FHL1: variants seen among roughly 807,000 people sequenced by gnomAD.
FHL1 encodes the protein four and a half LIM domains 1.
FHL1 carries 1 observed loss-of-function variant against 20.3 expected under a neutral mutation model. The observed-to-expected ratio is 0.05, with a 90% CI of 0.02 to 0.23. The LOEUF is 0.23. FHL1 is among the 10% of genes least tolerant of loss of function. The probability of loss-of-function intolerance (pLI) is 1.00; values close to 1 mark genes in which losing one functional copy is unlikely to be tolerated. For synonymous variants in FHL1, 82 were observed against 88.9 expected (o/e 0.92, Z 0.44); for missense variants, 177 against 234.0 (o/e 0.76, Z 1.59).
chrX:136,193,349 CACTTTGA>C (rs1299340667), upstream of FHL1, among the ~76,000 whole-genome samples: 1 of 111,873 alleles, frequency 8.9e-6, no homozygotes. Context: ...TCGGTTGCAC[CACTTTGA>C]ACTTTTGAAG....
At chrX:136,173,360 T>C (rs933762624) in intron 2 of FHL1, among the ~76,000 whole-genome samples, 3 of 112,207 alleles carry the variant, frequency 2.7e-5, no homozygotes, top group Non-Finnish European at 5.6e-5. Context: ...AATACAGTAG[T>C]CAAAGTGATT....
chrX:136,178,659 C>G (rs1449551700), intron 2 of FHL1, among the ~76,000 whole-genome samples: 1 of 112,141 alleles, frequency 8.9e-6, no homozygotes, highest in Non-Finnish European at 1.9e-5. Flanking sequence ...AACAGTTCTT[C>G]ACCTAAGTAG....
intron 2 of FHL1, among the ~76,000 whole-genome samples, chrX:136,178,468 C>T (rs2073062607): frequency 9.0e-6 from 1 of 111,276 alleles, no homozygotes; most frequent in Admixed American, 9.6e-5. Context: ...CAGTGGCTCA[C>T]GCCTGTAGTC....
At chrX:136,164,907 A>G (rs184446258), upstream of FHL1, among the ~76,000 whole-genome samples, 4 of 112,529 alleles carry the variant, frequency 3.6e-5, no homozygotes, top group Admixed American at 3.8e-4. Context: ...ATCTGGACTA[A>G]TCATAACTTG....
chrX:136,169,115 T>C (rs1457979244), upstream of FHL1, among the ~76,000 whole-genome samples: 2 of 111,750 alleles, frequency 1.8e-5, no homozygotes, highest in East Asian at 5.6e-4. Context: ...ACTTTTAGGA[T>C]AATACAGTGA....
intron 1 of FHL1, among the ~76,000 whole-genome samples, chrX:136,160,034 C>T (rs757275090): frequency 1.5e-4 from 17 of 112,212 alleles, no homozygotes; most frequent in African/African-American, 4.9e-4. Flanking sequence ...CTACAGTAAA[C>T]GTGTGTGAAA....
chrX:136,158,520 T>C (rs775852981), intron 1 of FHL1, among the ~76,000 whole-genome samples: 2 of 111,183 alleles, frequency 1.8e-5, no homozygotes, highest in African/African-American at 6.6e-5. Context: ...ATGCCACTTC[T>C]CTTGCACTGC....
chrX:136,160,350 C>T (rs1466720899), intron 1 of FHL1, among the ~76,000 whole-genome samples: 2 of 112,150 alleles, frequency 1.8e-5, no homozygotes, highest in Non-Finnish European at 3.8e-5. Flanking sequence ...TGAAAAACCT[C>T]ATAGTTCATG....
At chrX:136,185,950 G>T (rs1480885567) in intron 2 of FHL1, among the ~76,000 whole-genome samples, 1 of 111,756 alleles carries the variant, frequency 8.9e-6, no homozygotes, top group East Asian at 2.8e-4. Flanking sequence ...AGCTCGGCTT[G>T]CTCCATTATA....
At chrX:136,146,827 C>T, upstream of FHL1, 1 of 329,388 alleles carries the variant, frequency 3.0e-6, no homozygotes, top group Non-Finnish European at 5.9e-6. Flanking sequence ...TTCTGAGTGA[C>T]GTTAAAACGC....
intron 1 of FHL1, among the ~76,000 whole-genome samples, chrX:136,150,638 T>A (rs2072240954): frequency 8.9e-6 from 1 of 112,364 alleles, no homozygotes; most frequent in Non-Finnish European, 1.9e-5. Context: ...AGTGGTGTAC[T>A]TAATTAAGCA....
intron 1 of FHL1, chrX:136,147,873 C>G (rs1188426458): frequency 4.7e-5 from 5 of 106,364 alleles, no homozygotes; most frequent in Admixed American, 4.0e-4. Context: ...TGCGAGGTCC[C>G]CCCTGGTGCG....
At chrX:136,206,859 G>A (rs1392041908) in intron 2 of FHL1, among the ~76,000 whole-genome samples, 157 bp from the exon 3 acceptor site, 1 of 112,340 alleles carries the variant, frequency 8.9e-6, no homozygotes, top group Non-Finnish European at 1.9e-5. Context: ...TCACCTCAGC[G>A]TCCCTCCTAT....
At chrX:136,168,932 T>G, upstream of FHL1, among the ~76,000 whole-genome samples, 1 of 111,819 alleles carries the variant, frequency 8.9e-6, no homozygotes, top group Middle Eastern at 4.6e-3. Context: ...CCATCTATAC[T>G]TCTTGAGAGC....
chrX:136,161,488 A>G (rs2072565118), intron 1 of FHL1, among the ~76,000 whole-genome samples: 1 of 111,898 alleles, frequency 8.9e-6, no homozygotes, highest in African/African-American at 3.2e-5. Flanking sequence ...CTGACATACA[A>G]TTTGAAAGTT....
intron 5 of FHL1, chrX:136,209,502 G>A: frequency 9.1e-7 from 1 of 1,104,081 alleles, no homozygotes; most frequent in Non-Finnish European, 1.2e-6. Flanking sequence ...TTGATGTCAT[G>A]GCCCTGACCT....
chrX:136,209,320 C>T, intron 5 of FHL1: 1 of 1,211,144 alleles, frequency 8.3e-7, no homozygotes, highest in Non-Finnish European at 1.1e-6. Flanking sequence ...GAAACGCTTG[C>T]CTCTCACCCT....
intron 1 of FHL1, among the ~76,000 whole-genome samples, chrX:136,198,603 T>C (rs915719716): frequency 8.9e-6 from 1 of 112,028 alleles, no homozygotes; most frequent in African/African-American, 3.2e-5. Context: ...GAAGTCCTCA[T>C]AGAAAATCAG....
chrX:136,206,467 A>T lies in FHL1; in HGVS notation c.83A>T (p.Asp28Val). The change falls in exon 2 of 6, where the codon GAT becomes GTT. Residue 28 changes from aspartate (D) to valine (V), a missense_variant. Asp to Val is a radical substitution (Grantham distance 152, BLOSUM62 -3). Transcript: ENST00000370683. ...AAGTTTGACTGCCACTACTGCAGGG[A>T]TCCCTTGCAGGGGAAGAAGTATGTG... ...AEKFDCHYCR[D>V]PLQGKKYVQK... 8.2e-7 allele frequency: 1 copy of T among 1,212,291 alleles called. No homozygotes were observed. The highest frequency in any genetic ancestry group is 3.0e-5 in the East Asian group (1 of 33,836).
Sources: allele counts gnomAD v4.1 joint callset (sites outside exome capture counted in the v4.1 genomes callset), GRCh38; gene constraint gnomAD v4.1.1; transcripts MANE v1.5; gene names NCBI Gene and HGNC (gene_info 2026-07-23, HGNC 2026-07-21).